SIPA1L2: variants seen among roughly 807,000 people sequenced by gnomAD.
SIPA1L2 encodes the protein signal-induced proliferation-associated 1-like protein 2.
A neutral mutation model predicts 163.9 loss-of-function variants in SIPA1L2; 56 were observed. The observed-to-expected ratio is 0.34, with a 90% CI of 0.28 to 0.43. SIPA1L2 has a LOEUF of 0.43. SIPA1L2 is among the 20% of genes least tolerant of loss of function. The pLI is 1.00. For missense variants in SIPA1L2, 1,974 were observed against 2,193.5 expected (o/e 0.90, Z 2.00); for synonymous variants, 877 against 865.7 (o/e 1.01, Z -0.23).
chr1:232,544,185 T>C (rs2253730), intron 2 of SIPA1L2, among the ~76,000 whole-genome samples: 133,973 of 152,050 alleles, frequency 0.88, 59,516 homozygotes, highest in Middle Eastern at 0.97. Context: ...GGAATAAGCA[T>C]GGAACTACTC....
At chr1:232,444,063 C>T (rs1230604491) in intron 11 of SIPA1L2, among the ~76,000 whole-genome samples, 4 of 152,136 alleles carry the variant, frequency 2.6e-5, no homozygotes, top group Non-Finnish European at 5.9e-5. Flanking sequence ...AAACAAGTCA[C>T]GTTTTAGTTC....
In SIPA1L2 at chr1:232,609,440, ATAT is replaced by A. The variant is rs564788583; in HGVS notation, c.-319+20426_-319+20428del. ...CTGTGAAAGGGTGTCTCTATTATGC[ATAT>A]TATTAAAACAAAACAGAGAAACCAT... is the stretch of plus-strand genomic sequence containing the variant. On this transcript the variant is annotated intron_variant, in intron 1 of 22. Transcript: ENST00000674635. Among the ~76,000 whole-genome samples the A allele has an allele frequency of 8.2e-4, 125 of 152,288 alleles. 1 individual carries two copies. The highest frequency in any genetic ancestry group is 2.9e-3 in the African/African-American group (120 of 41,542).
intron 16 of SIPA1L2, among the ~76,000 whole-genome samples, chr1:232,431,091 CAA>C (rs1047873046): frequency 5.3e-5 from 8 of 152,188 alleles, no homozygotes; most frequent in African/African-American, 1.7e-4. Flanking sequence ...CCTGACTTTC[CAA>C]AAGAGTCCTT....
chr1:232,555,407 A>C (rs1658644950), intron 2 of SIPA1L2, among the ~76,000 whole-genome samples: 1 of 152,158 alleles, frequency 6.6e-6, no homozygotes, highest in Non-Finnish European at 1.5e-5. Context: ...AGCTGGAGTG[A>C]GGAGTCAGGT....
Position 232,439,940 on chromosome 1 carries a change from T to C in SIPA1L2, c.3643-444A>G, listed in dbSNP as rs985464238. On this transcript the variant is annotated intron_variant, in intron 14 of 22. Transcript: ENST00000674635. ...TAGGTTCCAGTCACAAAGGTAGGAC[T>C]TTCTGGTTAATCACTTAACCCTCTC... is the stretch of plus-strand genomic sequence containing the variant. Among the ~76,000 whole-genome samples, 5 of 152,216 alleles carry C rather than the reference T, an allele frequency of 3.3e-5. 1 individual carries two copies. The highest frequency in any genetic ancestry group is 4.1e-4 in the South Asian group (2 of 4,832).
At chr1:232,508,358 C>A (rs927110753) in intron 3 of SIPA1L2, among the ~76,000 whole-genome samples, 1 of 152,214 alleles carries the variant, frequency 6.6e-6, no homozygotes, top group Non-Finnish European at 1.5e-5. Context: ...TCCTGAGTAA[C>A]CCACTAGGTG....
chr1:232,618,231 A>G (rs767671474), intron 1 of SIPA1L2, among the ~76,000 whole-genome samples: 1 of 152,248 alleles, frequency 6.6e-6, no homozygotes, highest in Non-Finnish European at 1.5e-5. Flanking sequence ...GACATAAGAT[A>G]GGAAGTGGAC....
intron 1 of SIPA1L2, among the ~76,000 whole-genome samples, chr1:232,619,471 C>G (rs1376987804): frequency 6.6e-6 from 1 of 152,254 alleles, no homozygotes; most frequent in Non-Finnish European, 1.5e-5. Flanking sequence ...GTAGCCCATG[C>G]TACTACACAA....
At chr1:232,563,956 CGTGTGTGTGTGTGTGTGTGTGTGTGTGT>C (rs34854572) in intron 2 of SIPA1L2, among the ~76,000 whole-genome samples, 1 of 72,212 alleles carries the variant, frequency 1.4e-5, no homozygotes, top group Non-Finnish European at 2.4e-5. Context: ...TTTTTTTTTT[CGTGTGTGTGTGTGTGTGTGTGTGTGTGT>C]GTGTGTGTGT....
chr1:232,540,544 G>A (rs184691407), intron 2 of SIPA1L2, among the ~76,000 whole-genome samples: 13 of 152,242 alleles, frequency 8.5e-5, no homozygotes, highest in Admixed American at 6.5e-4. Flanking sequence ...ACTCAAGTGA[G>A]TCAGGAAAAT....
At chr1:232,613,740 A>G (rs1285253748) in intron 1 of SIPA1L2, among the ~76,000 whole-genome samples, 1 of 152,178 alleles carries the variant, frequency 6.6e-6, no homozygotes, top group East Asian at 1.9e-4. Flanking sequence ...AAATGTTGTA[A>G]TGTAGGTCAA....
intron 4 of SIPA1L2, among the ~76,000 whole-genome samples, 155 bp downstream of exon 4, chr1:232,493,372 A>G (rs762141746): frequency 1.6e-4 from 25 of 152,238 alleles, no homozygotes; most frequent in Non-Finnish European, 3.4e-4. Flanking sequence ...CATTTAGAAT[A>G]AAATACTGCA....
intron 1 of SIPA1L2, among the ~76,000 whole-genome samples, chr1:232,609,165 A>G (rs1345322837): frequency 6.6e-6 from 1 of 152,162 alleles, no homozygotes; most frequent in Non-Finnish European, 1.5e-5. Flanking sequence ...GATCATTAGG[A>G]TGGTGTTAAA....
Position 232,515,437 on chromosome 1 carries a change from C to T in SIPA1L2, c.-98G>A, listed in dbSNP as rs1356381985. The T allele has an allele frequency of 7.7e-7, 1 of 1,293,902 alleles. No individual in the cohort carries two copies. The highest frequency in any genetic ancestry group is 1.0e-6 in the Non-Finnish European group (1 of 964,054). 80.2% of individuals were successfully genotyped at this position (1,293,902 alleles called of 1,614,324 possible). On this transcript the variant is annotated 5_prime_UTR_variant, in exon 3 of 23. Coordinates refer to ENST00000674635, the MANE Select transcript of SIPA1L2 (RefSeq NM_020808.5). Reference sequence around the variant, plus strand: ...GCCATAATACTTGCAGATATAAAGGCTTTGTCTGTAGTTGTATTTTTTCTT... The same window carrying T: ...GCCATAATACTTGCAGATATAAAGGTTTTGTCTGTAGTTGTATTTTTTCTT...
chr1:232,517,694 A>G (rs1667274161), intron 2 of SIPA1L2, among the ~76,000 whole-genome samples: 1 of 152,228 alleles, frequency 6.6e-6, no homozygotes, highest in African/African-American at 2.4e-5. Flanking sequence ...AAGTTACAAA[A>G]TATTTATTAC....
chr1:232,491,666 G>A (rs1665936953), intron 4 of SIPA1L2, among the ~76,000 whole-genome samples: 1 of 152,098 alleles, frequency 6.6e-6, no homozygotes, highest in African/African-American at 2.4e-5. Flanking sequence ...AATATTTGGA[G>A]CACGTGCCTA....
At position 232,494,893 on chromosome 1, in the gene SIPA1L2, G is replaced by C. The variant is rs1463563033; in HGVS notation, c.1484-1233C>G. 2.0e-5 allele frequency among the ~76,000 whole-genome samples: 3 copies of C among 152,158 alleles called. No individual in the cohort carries two copies. The South Asian group carries it at 6.2e-4, about 32-fold the overall frequency. On this transcript the variant is annotated intron_variant, in intron 3 of 22. Coordinates refer to ENST00000674635, the MANE Select transcript of SIPA1L2 (RefSeq NM_020808.5). ...TGCCAGGTCCATTCTCCCAGGTGTA[G>C]CCTCAAAAAATCGATTTTTTTTCAC... is the stretch of plus-strand genomic sequence containing the variant.
chr1:232,590,428 A>C (rs1419506496), intron 1 of SIPA1L2, among the ~76,000 whole-genome samples: 3 of 152,284 alleles, frequency 2.0e-5, no homozygotes. Flanking sequence ...AGGAGAAATA[A>C]GAAATTTAAC....
intron 1 of SIPA1L2, among the ~76,000 whole-genome samples, chr1:232,628,578 T>C (rs1663202740): frequency 6.6e-6 from 1 of 152,222 alleles, no homozygotes; most frequent in Non-Finnish European, 1.5e-5. Context: ...TCTCTTGAAA[T>C]TCAACTTTGG....
Sources: gnomAD v4.1 joint callset for allele counts (sites outside exome capture counted in the v4.1 genomes callset) on GRCh38, gnomAD v4.1.1 for gene constraint, MANE v1.5 for transcripts, NCBI Gene and HGNC (gene_info 2026-07-23, HGNC 2026-07-21) for gene names.